The following STK36 variants were observed in gnomAD, a reference collection of about 807,000 sequenced individuals.
STK36 encodes serine/threonine-protein kinase 36.
STK36 carries 116 observed loss-of-function variants against 142.2 expected under a neutral mutation model. That is an observed-to-expected ratio of 0.82 (90% CI 0.70 to 0.95). STK36 has a LOEUF of 0.95. Among genes scored for constraint, STK36 ranks in the 40% least tolerant of loss-of-function variants. The probability of loss-of-function intolerance (pLI) is 0.00; values close to 1 mark genes in which losing one functional copy is unlikely to be tolerated. For synonymous variants in STK36, 619 were observed against 641.7 expected, an observed-to-expected ratio of 0.96 and a Z score of 0.53; for missense variants, 1,422 against 1,617.2, an observed-to-expected ratio of 0.88 and a Z score of 2.07.
intron 11 of STK36, among the ~76,000 whole-genome samples, chr2:218,686,538 G>A (rs1453950015): frequency 1.3e-5 from 2 of 152,146 alleles, no homozygotes; most frequent in African/African-American, 4.8e-5. Context: ...CAAAGTGCTA[G>A]GATTATAGGT....
In STK36 at chr2:218,692,196, A is replaced by G; in HGVS notation, c.1818A>G (p.Lys606=). Residue 606 remains lysine (K), a synonymous_variant, in exon 15 of 27, where the codon AAA becomes AAG. Coordinates refer to ENST00000295709, the MANE Select transcript of STK36 (RefSeq NM_015690.5). ...AMDGNSRAIS[K]AFYSSLLTTQ... is the part of the protein sequence containing the mutation. ...ATGGGAACAGCCGGGCCATCTCCAA[A>G]GCCTTTTACTCCAGCTTGCTGACGA... 6.2e-7 allele frequency: 1 copy of G among 1,614,132 alleles called. No individual in the cohort carries two copies. Among genetic ancestry groups the G allele is most frequent in the South Asian group, 1.1e-5 (1 of 91,076 alleles).
In STK36 at chr2:218,672,125, C is replaced by T; in HGVS notation, c.-180C>T. On this transcript the variant is annotated 5_prime_UTR_variant, in exon 1 of 27. Transcript: ENST00000295709. ...GCCCTGAGGCAGTTCGGATGTGTCC[C>T]AGGAAGTGCCCATGTGTGGTCCGCC... is the stretch of plus-strand genomic sequence containing the variant. 1.2e-6 allele frequency: 1 copy of T among 830,410 alleles called. No homozygotes were observed. The highest frequency in any genetic ancestry group is 1.9e-6 in the Non-Finnish European group (1 of 517,196). The allele number at this position is 830,410 out of a possible 1,614,324, so 51.4% of individuals were successfully genotyped here.
At chr2:218,698,095 C>A (rs1424761055) in intron 25 of STK36, 94 bp downstream of exon 25, 8 of 1,533,048 alleles carry the variant, frequency 5.2e-6, no homozygotes, top group Non-Finnish European at 7.1e-6. Context: ...TCTTCTAGGC[C>A]CCTGTAAGCA....
Position 218,701,911 on chromosome 2 carries a change from C to G in STK36, c.3850C>G (p.Leu1284Val), listed in dbSNP as rs1941457315. 1.2e-6 allele frequency: 2 copies of G among 1,614,064 alleles called. No individual in the cohort carries two copies. Among genetic ancestry groups the G allele is most frequent in the Non-Finnish European group, 8.5e-7 (1 of 1,180,044 alleles). Residue 1284 changes from leucine (L) to valine (V), a missense_variant, in exon 27 of 27, where the codon CTG becomes GTG. Leu to Val is a conservative substitution (Grantham distance 32). This residue lies in a region of STK36 where 962 missense variants were observed against 1,167.5 expected (regional missense o/e 0.82). Coordinates refer to ENST00000295709, the MANE Select transcript of STK36 (RefSeq NM_015690.5). ...CAGTGAGAAACTATCCTTGCTCTCT[C>G]TGGGGAATCAGTCACTGCCACACAG... Reference protein sequence around the residue: ...GASEKLSLLSLGNQSLPHSSP... With the variant: ...GASEKLSLLSVGNQSLPHSSP...
chr2:218,697,125 C>T lies in STK36; in HGVS notation c.2673C>T (p.Leu891=), dbSNP rs771435933. The change falls in exon 23 of 27, where the codon CTC becomes CTT. Residue 891 remains leucine, a synonymous_variant. Coordinates refer to ENST00000295709, the MANE Select transcript of STK36 (RefSeq NM_015690.5). ...LWHRFSMVLR[L]PEEASAQEGE... Reference sequence around the variant, plus strand: ...ACCGCTTCTCCATGGTCCTGAGGCTCCCCGAGGAGGCATCTGCACAGGAAG... The same window carrying T: ...ACCGCTTCTCCATGGTCCTGAGGCTTCCCGAGGAGGCATCTGCACAGGAAG... 4 of 1,614,194 alleles carry T rather than the reference C, an allele frequency of 2.5e-6. No homozygotes were observed. The highest frequency in any genetic ancestry group is 2.2e-5 in the East Asian group (1 of 44,880).
Position 218,693,987 on chromosome 2 carries a change from A to G in STK36, c.2336+4A>G, listed in dbSNP as rs1438392828. On this transcript the variant is annotated splice_donor_region_variant and intron_variant, in intron 19 of 26. Transcript: ENST00000295709. ...GGCTCCAAAACCTGCCTTGTGGGTA[A>G]GTCATAAAGTAGGGTGTCTCCACAG... 2 of 1,614,022 alleles carry G rather than the reference A, an allele frequency of 1.2e-6. No individual in the cohort carries two copies. The highest frequency in any genetic ancestry group is 8.5e-7 in the Non-Finnish European group (1 of 1,179,988).
intron 26 of STK36, among the ~76,000 whole-genome samples, chr2:218,701,011 CAA>C (rs11301260): frequency 1.7e-4 from 14 of 80,288 alleles, no homozygotes; most frequent in Non-Finnish European, 2.0e-4. Flanking sequence ...GACTCTGTCT[CAA>C]AAAAAAAAAA....
Position 218,697,151 on chromosome 2 carries a change from G to C in STK36, c.2699G>C (p.Gly900Ala). The change falls in exon 23 of 27, where the codon GGG (glycine) becomes GCG (alanine). Residue 900 changes from glycine (G) to alanine (A), a missense_variant. Gly to Ala is a moderately conservative substitution (Grantham distance 60). Around this residue, in one of 2 missense-constraint regions of STK36, gnomAD observed 962 missense variants for 1,167.5 expected, o/e 0.82. Coordinates refer to ENST00000295709, the MANE Select transcript of STK36 (RefSeq NM_015690.5). The stretch of plus-strand genomic sequence containing the variant: ...CCCGAGGAGGCATCTGCACAGGAAG[G>C]GGAGCTTTCGCTATCCAGTCCACCA... ...RLPEEASAQE[G>A]ELSLSSPPSP... 1.2e-6 allele frequency: 2 copies of C among 1,614,148 alleles called. No homozygotes were observed. The highest frequency in any genetic ancestry group is 1.1e-5 in the South Asian group (1 of 91,080).
chr2:218,687,818 A>G, intron 11 of STK36, among the ~76,000 whole-genome samples: 1 of 152,252 alleles, frequency 6.6e-6, no homozygotes, highest in East Asian at 1.9e-4. Context: ...GGAATATTAT[A>G]AAATACTTGG....
intron 2 of STK36, 58 bp downstream of exon 2, chr2:218,672,971 A>G: frequency 6.8e-7 from 1 of 1,464,934 alleles, no homozygotes; most frequent in Non-Finnish European, 9.6e-7. Context: ...ACTCCAGTGG[A>G]AAATGGATCT....
At chr2:218,676,671 CAG>C (rs1321172816) in intron 6 of STK36, among the ~76,000 whole-genome samples, 1 of 121,286 alleles carries the variant, frequency 8.2e-6, no homozygotes, top group Admixed American at 9.0e-5. Context: ...TTTTTTGAGA[CAG>C]AGTCTCGCTC....
rs370098925 is a variant in STK36 at position 218,688,686 on chromosome 2, A to C, written c.1381-11A>C. 1.4e-5 allele frequency: 22 copies of C among 1,609,268 alleles called. No individual in the cohort carries two copies. The highest frequency in any genetic ancestry group is 5.5e-5 in the South Asian group (5 of 90,432). Reference sequence around the variant, plus strand: ...ATATCAATCGTTGCCTCTTTCCCTCATGTCACCCAGATCCTGAAAGGCATC... The same window carrying C: ...ATATCAATCGTTGCCTCTTTCCCTCCTGTCACCCAGATCCTGAAAGGCATC... On this transcript the variant is annotated splice_polypyrimidine_tract_variant and intron_variant, in intron 11 of 26. Coordinates refer to ENST00000295709, the MANE Select transcript of STK36 (RefSeq NM_015690.5).
chr2:218,696,437 C>T lies in STK36; in HGVS notation c.2512-90C>T, dbSNP rs1433134812. 3.7e-6 allele frequency: 4 copies of T among 1,094,556 alleles called. No homozygotes were observed. The Admixed American group carries it at 5.1e-5, about 14-fold the overall frequency. 67.8% of individuals were successfully genotyped at this position (1,094,556 alleles called of 1,614,324 possible). On this transcript the variant is annotated intron_variant, in intron 21 of 26. Transcript: ENST00000295709. The stretch of plus-strand genomic sequence containing the variant: ...CTTCCGGTTGACTCTCAAATCTGTT[C>T]CCTCCATGGCACCATCACTGACCTG...
chr2:218,700,866 G>A (rs1266967962), intron 26 of STK36, among the ~76,000 whole-genome samples: 2 of 151,236 alleles, frequency 1.3e-5, no homozygotes, highest in Non-Finnish European at 2.9e-5. Flanking sequence ...ACAAAAATTA[G>A]CTGGGTGTGG....
chr2:218,674,507 G>GC (rs200491338), intron 4 of STK36, among the ~76,000 whole-genome samples: 2 of 152,216 alleles, frequency 1.3e-5, no homozygotes, highest in East Asian at 1.9e-4. Flanking sequence ...AAGCAAGTAG[G>GC]CCCCCCCTGG....
chr2:218,688,744 C>T lies in STK36; in HGVS notation c.1428C>T (p.Phe476=). Residue 476 remains phenylalanine (F), a synonymous_variant, in exon 12 of 27, where the codon TTC becomes TTT. Transcript: ENST00000295709. ...LEGASHILPA[F]RVLSSLLSSC... ...GTGCTTCCCACATCCTGCCTGCATT[C>T]CGGGTCCTGAGCAGTCTTCTCTCCA... 6.2e-7 allele frequency: 1 copy of T among 1,614,102 alleles called. No homozygotes were observed. The highest frequency in any genetic ancestry group is 8.5e-7 in the Non-Finnish European group (1 of 1,179,978).
chr2:218,673,838 A>G, intron 3 of STK36, 41 bp from the exon 4 acceptor site: 2 of 1,614,128 alleles, frequency 1.2e-6, no homozygotes, highest in Non-Finnish European at 8.5e-7. Flanking sequence ...CTCAGAATGC[A>G]TGAATCTGGA....
chr2:218,672,730 G>T lies in STK36; in HGVS notation c.-89-11G>T. The T allele has an allele frequency of 1.7e-6, 2 of 1,161,962 alleles. No individual in the cohort carries two copies. The allele number at this position is 1,161,962 out of a possible 1,614,324, so 72.0% of individuals were successfully genotyped here. Reference sequence around the variant, plus strand: ...GTGGCTAACATTTTTCCTTTCCCGTGCCCCAACTAGGCGTCCCAGATGTTG... The same window carrying T: ...GTGGCTAACATTTTTCCTTTCCCGTTCCCCAACTAGGCGTCCCAGATGTTG... On this transcript the variant is annotated splice_polypyrimidine_tract_variant and intron_variant, in intron 1 of 26. Transcript: ENST00000295709.
intron 14 of STK36, among the ~76,000 whole-genome samples, chr2:218,691,101 G>C (rs377447537): frequency 6.6e-6 from 1 of 152,014 alleles, no homozygotes; most frequent in Non-Finnish European, 1.5e-5. Context: ...GTCTAACCTC[G>C]TTTGTCCTGA....
Sources: gnomAD v4.1 joint callset for allele counts (sites outside exome capture counted in the v4.1 genomes callset) on GRCh38, gnomAD v4.1.1 for gene constraint, gnomAD v4.1.1 regional missense constraint, MANE v1.5 for transcripts, NCBI Gene and HGNC (gene_info 2026-07-23, HGNC 2026-07-21) for gene names.